FRYL: variants seen among roughly 807,000 people sequenced by gnomAD.
The protein encoded by FRYL is protein furry homolog-like.
FRYL carries 150 observed loss-of-function variants against 351.2 expected under a neutral mutation model. The ratio of observed to expected loss-of-function variants is 0.43; its 90% CI spans 0.37 to 0.49. The LOEUF (loss-of-function observed/expected upper bound fraction) is 0.49. Among genes scored for constraint, FRYL ranks in the 20% least tolerant of loss-of-function variants. FRYL has a pLI of 0.00. For missense variants in FRYL, 3,036 were observed against 3,619.3 expected (o/e 0.84, Z 4.13); for synonymous variants, 1,153 against 1,257.1 (o/e 0.92, Z 1.75).
chr4:48,571,937 C>T, intron 26 of FRYL: 7 of 985,256 alleles, frequency 7.1e-6, no homozygotes, highest in Non-Finnish European at 7.2e-6. Flanking sequence ...TGTTTTGTTT[C>T]AATCTCACAT....
At chr4:48,711,178 G>A (rs1481089034) in intron 1 of FRYL, among the ~76,000 whole-genome samples, 1 of 152,232 alleles carries the variant, frequency 6.6e-6, no homozygotes. Flanking sequence ...CTGAGGTACT[G>A]GGTTCATCTC....
In FRYL at chr4:48,502,493, C is replaced by T. The variant is rs193054369; in HGVS notation, c.8481+335G>A. On this transcript the variant is annotated intron_variant, in intron 61 of 63. Transcript: ENST00000358350. ...CTGGGAGGCAGAGGTTGCAGTGAGC[C>T]GAGATCATGCCACTGCCCTCCAAGC... is the stretch of plus-strand genomic sequence containing the variant. Among the ~76,000 whole-genome samples the T allele has an allele frequency of 4.0e-3, 599 of 149,372 alleles. 2 individuals carry two copies. The highest frequency in any genetic ancestry group is 6.9e-3 in the Non-Finnish European group (470 of 67,720).
chr4:48,697,056 G>A (rs1485622775), intron 2 of FRYL, among the ~76,000 whole-genome samples: 1 of 152,042 alleles, frequency 6.6e-6, no homozygotes, highest in Non-Finnish European at 1.5e-5. Flanking sequence ...CTATTATGGT[G>A]TAACTGAAGA....
chr4:48,663,337 T>TTAAA (rs57158060), intron 3 of FRYL, among the ~76,000 whole-genome samples: 145,280 of 149,294 alleles, frequency 0.97, 70,793 homozygotes, highest in East Asian at 1. Flanking sequence ...AAATATATAA[T>TTAAA]TTAATTTAAT....
intron 1 of FRYL, among the ~76,000 whole-genome samples, chr4:48,771,124 T>G (rs1463642757): frequency 1.3e-5 from 2 of 152,158 alleles, no homozygotes; most frequent in African/African-American, 4.8e-5. Context: ...TCCAAAAACA[T>G]TAACTCTAAG....
intron 2 of FRYL, among the ~76,000 whole-genome samples, chr4:48,700,562 G>A (rs1353517121): frequency 1.3e-5 from 2 of 152,126 alleles, no homozygotes; most frequent in African/African-American, 4.8e-5. Flanking sequence ...AGTACTTGGG[G>A]AGGCTGAGGT....
chr4:48,745,796 G>A (rs1463509297), intron 1 of FRYL, among the ~76,000 whole-genome samples: 1 of 152,062 alleles, frequency 6.6e-6, no homozygotes, highest in Non-Finnish European at 1.5e-5. Context: ...ACTAAAGGAA[G>A]AAAGACTTAA....
chr4:48,648,280 G>A (rs942678605), intron 3 of FRYL, among the ~76,000 whole-genome samples: 2 of 152,024 alleles, frequency 1.3e-5, no homozygotes, highest in Non-Finnish European at 2.9e-5. Context: ...TTTATTTTAG[G>A]ATTAAGACCA....
chr4:48,507,417 A>G (rs1418318212), intron 59 of FRYL, among the ~76,000 whole-genome samples: 1 of 151,462 alleles, frequency 6.6e-6, no homozygotes, highest in Non-Finnish European at 1.5e-5. Flanking sequence ...AAAATTTTTA[A>G]CTGTCGAGGT....
At position 48,515,349 on chromosome 4, in the gene FRYL, T is replaced by A. The variant is rs1361112586; in HGVS notation, c.7690-74A>T. The A allele has an allele frequency of 2.8e-6, 3 of 1,083,570 alleles. No homozygotes were observed. The African/African-American group carries it at 4.8e-5, about 17-fold the overall frequency. The allele number at this position is 1,083,570 out of a possible 1,614,324, so 67.1% of individuals were successfully genotyped here. Reference sequence around the variant, plus strand: ...ATTTTACAACACAATAAATAAGTATTGCCATCCATCTAAGTCTGTTTTATT... The same window carrying A: ...ATTTTACAACACAATAAATAAGTATAGCCATCCATCTAAGTCTGTTTTATT... On this transcript the variant is annotated intron_variant, in intron 55 of 63. Transcript: ENST00000358350.
chr4:48,691,417 T>C (rs1356694397), intron 2 of FRYL, among the ~76,000 whole-genome samples: 2 of 152,134 alleles, frequency 1.3e-5, no homozygotes, highest in Admixed American at 6.6e-5. Flanking sequence ...ATTGACTACT[T>C]TGCGATAATA....
chr4:48,512,675 C>G lies in FRYL; in HGVS notation c.7951G>C (p.Glu2651Gln). Residue 2651 changes from glutamate (E) to glutamine (Q), a missense_variant, in exon 57 of 64, where the codon GAG (glutamate) becomes CAG (glutamine). By Grantham distance (29) the Glu-to-Gln change is conservative. Transcript: ENST00000358350. Reference sequence around the variant, plus strand: ...TGTACTTCTGGAAAACCATCTTGCTCTTCTTCATCTTGACTATTAACACAG... The same window carrying G: ...TGTACTTCTGGAAAACCATCTTGCTGTTCTTCATCTTGACTATTAACACAG... ...FSGLSSQDEE[E>Q]QDGFPEVQTS... 1 of 1,612,498 alleles carries G rather than the reference C, an allele frequency of 6.2e-7. No individual in the cohort carries two copies. The highest frequency in any genetic ancestry group is 8.5e-7 in the Non-Finnish European group (1 of 1,178,638).
intron 45 of FRYL, among the ~76,000 whole-genome samples, 191 bp downstream of exon 45, chr4:48,541,836 C>T (rs1313433718): frequency 6.6e-6 from 1 of 152,192 alleles, no homozygotes; most frequent in Non-Finnish European, 1.5e-5. Flanking sequence ...AGAAGAAGAA[C>T]AGCACTGCTA....
intron 36 of FRYL, 140 bp from the exon 37 acceptor site, chr4:48,551,718 T>C: frequency 1.7e-6 from 1 of 573,760 alleles, no homozygotes. Context: ...GTACTCATAA[T>C]GACCAAAAGG....
At chr4:48,697,099 G>C (rs758969625) in intron 2 of FRYL, among the ~76,000 whole-genome samples, 3 of 152,012 alleles carry the variant, frequency 2.0e-5, no homozygotes, top group Admixed American at 2.0e-4. Context: ...CGAAGACTTG[G>C]AATTTTAAAC....
At chr4:48,651,573 CT>C (rs1314132254) in intron 3 of FRYL, among the ~76,000 whole-genome samples, 2 of 152,040 alleles carry the variant, frequency 1.3e-5, no homozygotes, top group African/African-American at 4.8e-5. Context: ...ATTTGACTTC[CT>C]TACTACAACT....
At chr4:48,630,543 G>C (rs1358405541) in intron 4 of FRYL, among the ~76,000 whole-genome samples, 1 of 152,080 alleles carries the variant, frequency 6.6e-6, no homozygotes, top group Non-Finnish European at 1.5e-5. Context: ...GATATACCTA[G>C]GTTATTACCG....
chr4:48,633,410 CA>C (rs1237240793), intron 4 of FRYL, among the ~76,000 whole-genome samples: 1 of 151,992 alleles, frequency 6.6e-6, no homozygotes, highest in Non-Finnish European at 1.5e-5. Flanking sequence ...TAGATGATAC[CA>C]AAATCTGTAT....
At chr4:48,665,692 C>T (rs1761590121) in intron 3 of FRYL, among the ~76,000 whole-genome samples, 1 of 152,072 alleles carries the variant, frequency 6.6e-6, no homozygotes, top group Non-Finnish European at 1.5e-5. Context: ...CTATGAATCA[C>T]CCATAGTGTG....
Sources: gnomAD v4.1 joint callset for allele counts (sites outside exome capture counted in the v4.1 genomes callset) on GRCh38, gnomAD v4.1.1 for gene constraint, MANE v1.5 for transcripts, NCBI Gene and HGNC (gene_info 2026-07-23, HGNC 2026-07-21) for gene names.